SCARA3: variants seen among roughly 807,000 people sequenced by gnomAD.
SCARA3 encodes the protein cellular stress response gene protein.
A neutral mutation model predicts 47.0 loss-of-function variants in SCARA3; 39 were observed. That is an observed-to-expected ratio of 0.83 (90% CI 0.64 to 1.08). The LOEUF (loss-of-function observed/expected upper bound fraction) is 1.08. Ranked by LOEUF, SCARA3 falls within the 50% of genes least tolerant of loss-of-function variation. The pLI, the probability that SCARA3 is intolerant of heterozygous loss-of-function variation, is 0.00. For synonymous variants in SCARA3, 356 were observed against 334.1 expected (o/e 1.07, Z -0.71); for missense variants, 724 against 792.3 (o/e 0.91, Z 1.04).
downstream of SCARA3, chr8:27,676,479 G>T (rs967346446): frequency 8.8e-6 from 13 of 1,475,118 alleles, no homozygotes; most frequent in Non-Finnish European, 1.2e-5. Context: ...TAAGCCCAAA[G>T]TCTCCAACAT....
intron 1 of SCARA3, among the ~76,000 whole-genome samples, chr8:27,646,458 G>A (rs1801494586): frequency 6.6e-6 from 1 of 152,166 alleles, no homozygotes; most frequent in Non-Finnish European, 1.5e-5. Flanking sequence ...CCCTGCAAAG[G>A]CTATAAACAG....
intron 1 of SCARA3, among the ~76,000 whole-genome samples, chr8:27,645,731 A>G (rs1307027388): frequency 1.3e-5 from 2 of 152,192 alleles, no homozygotes; most frequent in Non-Finnish European, 2.9e-5. Context: ...TAATGGCAGG[A>G]GAATAGGCAT....
chr8:27,681,620 G>C (rs984857916), downstream of SCARA3, among the ~76,000 whole-genome samples: 1 of 152,096 alleles, frequency 6.6e-6, no homozygotes, highest in Non-Finnish European at 1.5e-5. Flanking sequence ...TACTCTGGAG[G>C]CTGAGACAAG....
At chr8:27,634,909 C>T (rs1020781825) in intron 1 of SCARA3, among the ~76,000 whole-genome samples, 1 of 152,178 alleles carries the variant, frequency 6.6e-6, no homozygotes, top group Non-Finnish European at 1.5e-5. Context: ...TCTTTAGGCC[C>T]CTACTTGGTC....
downstream of SCARA3, among the ~76,000 whole-genome samples, chr8:27,680,603 T>C (rs1802342224): frequency 6.6e-6 from 1 of 152,178 alleles, no homozygotes; most frequent in African/African-American, 2.4e-5. Context: ...TTATTACTGA[T>C]TTATTTCAAA....
rs1050776735 is a variant in SCARA3, at chr8:27,671,459, T to A, written c.*108T>A. On this transcript the variant is annotated 3_prime_UTR_variant, in exon 6 of 6. Coordinates refer to ENST00000301904, the MANE Select transcript of SCARA3 (RefSeq NM_016240.3). ...GACAGCTGTGGTCCTCTGATTCCAA[T>A]GAGGGGGCTCCCCAGGGCTGACCCT... The A allele has an allele frequency of 2.3e-6, 3 of 1,319,614 alleles. No individual in the cohort carries two copies. Among genetic ancestry groups the A allele is most frequent in the Non-Finnish European group, 2.9e-6 (3 of 1,040,290 alleles). 81.7% of individuals were successfully genotyped at this position (1,319,614 alleles called of 1,614,324 possible). A position where few individuals can be genotyped will look rare whatever the true frequency, so the allele number is the denominator to read the frequency against.
At chr8:27,692,215 T>A in the SCARA3 span, among the ~76,000 whole-genome samples, 1 of 151,950 alleles carries the variant, frequency 6.6e-6, no homozygotes, top group Non-Finnish European at 1.5e-5. Context: ...AGGTCGGGAG[T>A]TCGAGACCAG....
downstream of SCARA3, among the ~76,000 whole-genome samples, chr8:27,674,398 C>T (rs1802230710): frequency 6.6e-6 from 1 of 152,150 alleles, no homozygotes; most frequent in Non-Finnish European, 1.5e-5. Context: ...ACTGTGGGAC[C>T]TTAGGCCTAG....
At chr8:27,635,361 T>A (rs1280193447) in intron 1 of SCARA3, among the ~76,000 whole-genome samples, 2 of 152,310 alleles carry the variant, frequency 1.3e-5, no homozygotes, top group Admixed American at 6.5e-5. Context: ...GCTGGCTTCA[T>A]GGCTTCTGCA....
chr8:27,644,924 C>T (rs951446687), intron 1 of SCARA3, among the ~76,000 whole-genome samples: 5 of 152,022 alleles, frequency 3.3e-5, no homozygotes, highest in Admixed American at 2.0e-4. Flanking sequence ...AATGGAAAAA[C>T]ACGACCCCCC....
chr8:27,717,896 G>C, the SCARA3 span, among the ~76,000 whole-genome samples: 5 of 152,164 alleles, frequency 3.3e-5, no homozygotes, highest in Admixed American at 1.3e-4. Context: ...CAGTTAGTCT[G>C]TCTGACTGTC....
chr8:27,696,249 A>G, the SCARA3 span, among the ~76,000 whole-genome samples: 2 of 152,122 alleles, frequency 1.3e-5, no homozygotes, highest in East Asian at 1.9e-4. Context: ...GCCTCAAGCA[A>G]TCCTCCCACC....
At chr8:27,666,642 C>T (rs968073245) in intron 5 of SCARA3, among the ~76,000 whole-genome samples, 2 of 152,224 alleles carry the variant, frequency 1.3e-5, no homozygotes, top group African/African-American at 2.4e-5. Flanking sequence ...GTGCCTCCCA[C>T]GGCACCAGGC....
At chr8:27,680,278 C>T (rs1239312308), downstream of SCARA3, among the ~76,000 whole-genome samples, 1 of 151,550 alleles carries the variant, frequency 6.6e-6, no homozygotes, top group Non-Finnish European at 1.5e-5. Context: ...CCAACATGAC[C>T]AAAAGTTACT....
chr8:27,707,098 G>GT, the SCARA3 span, among the ~76,000 whole-genome samples: 1 of 152,182 alleles, frequency 6.6e-6, no homozygotes, highest in Non-Finnish European at 1.5e-5. Context: ...TGAAAAGGAG[G>GT]TATCAATTGA....
intron 1 of SCARA3, among the ~76,000 whole-genome samples, chr8:27,635,281 C>G (rs927081631): frequency 6.6e-6 from 1 of 152,066 alleles, no homozygotes; most frequent in African/African-American, 2.4e-5. Context: ...AAGGGCTCCA[C>G]CGACAAACTT....
chr8:27,680,273 A>G (rs1210185396), downstream of SCARA3, among the ~76,000 whole-genome samples: 1 of 152,004 alleles, frequency 6.6e-6, no homozygotes, highest in Non-Finnish European at 1.5e-5. Context: ...GAAAACCAAC[A>G]TGACCAAAAG....
chr8:27,714,186 G>C, the SCARA3 span, among the ~76,000 whole-genome samples: 2 of 130,428 alleles, frequency 1.5e-5, no homozygotes, highest in African/African-American at 5.8e-5. Flanking sequence ...CCCAGTCTCA[G>C]GTATTCCTTT....
At chr8:27,648,848 AAGGAAAGGAGGG>A (rs892615107) in intron 1 of SCARA3, among the ~76,000 whole-genome samples, 1 of 149,588 alleles carries the variant, frequency 6.7e-6, no homozygotes, top group Non-Finnish European at 1.5e-5. Flanking sequence ...AGGGAGAGAG[AAGGAAAGGAGGG>A]AGGAAAGTAG....
Sources: gnomAD v4.1 joint callset for allele counts (sites outside exome capture counted in the v4.1 genomes callset) on GRCh38, gnomAD v4.1.1 for gene constraint, MANE v1.5 for transcripts, NCBI Gene and HGNC (gene_info 2026-07-23, HGNC 2026-07-21) for gene names.